The following RNF144B variants were observed in gnomAD, a reference collection of about 807,000 sequenced individuals.
The protein encoded by RNF144B is E3 ubiquitin-protein ligase RNF144B.
In RNF144B, 25 loss-of-function variants were observed where a neutral mutation model predicts 40.2. The ratio of observed to expected loss-of-function variants is 0.62; its 90% CI spans 0.45 to 0.87. The LOEUF (loss-of-function observed/expected upper bound fraction) is 0.87. RNF144B is among the 40% of genes least tolerant of loss of function. RNF144B has a pLI of 0.00. For missense variants in RNF144B, 365 were observed against 373.7 expected, an observed-to-expected ratio of 0.98 and a Z score of 0.19; for synonymous variants, 145 against 136.3, an observed-to-expected ratio of 1.06 and a Z score of -0.44.
chr6:18,433,128 C>T (rs4716248), intron 3 of RNF144B, among the ~76,000 whole-genome samples: 19,422 of 152,230 alleles, frequency 0.13, 1,396 homozygotes, highest in Admixed American at 0.19. Flanking sequence ...TCTGCCTCCA[C>T]TTGCCATCTC....
intron 6 of RNF144B, among the ~76,000 whole-genome samples, chr6:18,461,672 T>C (rs2113540252): frequency 6.6e-6 from 1 of 152,348 alleles, no homozygotes; most frequent in East Asian, 1.9e-4. Context: ...TTGAAGCATC[T>C]TTTTTTCTGG....
chr6:18,449,369 C>T (rs943091578), intron 4 of RNF144B, among the ~76,000 whole-genome samples: 1 of 152,164 alleles, frequency 6.6e-6, no homozygotes, highest in African/African-American at 2.4e-5. Flanking sequence ...ATCTGGTTCT[C>T]ACAAACGTAA....
At position 18,457,105 on chromosome 6, in the gene RNF144B, C is replaced by A; in HGVS notation, c.332-50C>A. 7.3e-7 allele frequency: 1 copy of A among 1,371,130 alleles called. No homozygotes were observed. The highest frequency in any genetic ancestry group is 1.0e-6 in the Non-Finnish European group (1 of 959,900). 84.9% of individuals were successfully genotyped at this position (1,371,130 alleles called of 1,614,324 possible). A position where few individuals can be genotyped will look rare whatever the true frequency, so the allele number is the denominator to read the frequency against. On this transcript the variant is annotated intron_variant, in intron 4 of 7. Transcript: ENST00000259939. This position sits in a 1 kb window ranked among gnomAD's most constrained non-coding sequence, Gnocchi z 5.1. Reference sequence around the variant, plus strand: ...AGAGGGCAAATGAAGGTGAGAAAGACTCAAACATGAATCGGGCAGACCATC... The same window carrying A: ...AGAGGGCAAATGAAGGTGAGAAAGAATCAAACATGAATCGGGCAGACCATC...
rs552256970 is a variant in RNF144B at position 18,410,442 on chromosome 6, G to T, written c.165+10743G>T. Reference sequence around the variant, plus strand: ...TAAAATAGACTCAGGGAGGTAGGAGGTTTCCTAAGGGCTGAGACTGAAAGA... The same window carrying T: ...TAAAATAGACTCAGGGAGGTAGGAGTTTTCCTAAGGGCTGAGACTGAAAGA... On this transcript the variant is annotated intron_variant, in intron 2 of 7. Coordinates refer to ENST00000259939, the MANE Select transcript of RNF144B (RefSeq NM_182757.4). The surrounding 1 kb of genome is among the most constrained non-coding windows in gnomAD (Gnocchi z 4.6). Among the ~76,000 whole-genome samples, 10 of 152,304 alleles carry T rather than the reference G, an allele frequency of 6.6e-5. No individual in the cohort carries two copies. Among genetic ancestry groups the T allele is most frequent in the African/African-American group, 2.4e-4 (10 of 41,572 alleles).
At position 18,465,106 on chromosome 6, in the gene RNF144B, A is replaced by G. The variant is rs200657127; in HGVS notation, c.*39A>G. On this transcript the variant is annotated 3_prime_UTR_variant, in exon 8 of 8. Coordinates refer to ENST00000259939, the MANE Select transcript of RNF144B (RefSeq NM_182757.4). Reference sequence around the variant, plus strand: ...CATACGCCCCAGATATGTGAGTTACATGAGATGGCACAGTGATAAAGCCCC... The same window carrying G: ...CATACGCCCCAGATATGTGAGTTACGTGAGATGGCACAGTGATAAAGCCCC... 1.6e-4 allele frequency: 260 copies of G among 1,606,602 alleles called. No individual in the cohort carries two copies. The Admixed American group carries it at 2.1e-3, about 13-fold the overall frequency.
intron 3 of RNF144B, among the ~76,000 whole-genome samples, chr6:18,433,451 G>A (rs1429283320): frequency 6.6e-6 from 1 of 152,130 alleles, no homozygotes; most frequent in Admixed American, 6.5e-5. Context: ...TGGGTAATAA[G>A]GTTTCTAAGA....
chr6:18,465,937 C>T lies in RNF144B; in HGVS notation c.*870C>T, dbSNP rs1228177937. The T allele has an allele frequency of 2.6e-5, 4 of 152,134 alleles. No individual in the cohort carries two copies. Among genetic ancestry groups the T allele is most frequent in the Non-Finnish European group, 5.9e-5 (4 of 68,018 alleles). The allele number at this position is 152,134 out of a possible 1,614,324, so 9.4% of individuals were successfully genotyped here. ...TTTCTCAGGATCTGTGTTCACACAG[C>T]CAATAGATTTGGAATCAGGCCTAAG... is the stretch of plus-strand genomic sequence containing the variant. On this transcript the variant is annotated 3_prime_UTR_variant, in exon 8 of 8. Coordinates refer to ENST00000259939, the MANE Select transcript of RNF144B (RefSeq NM_182757.4).
rs1342022866 is a variant in RNF144B, at chr6:18,398,530, T to G, written c.-36-969T>G. On this transcript the variant is annotated intron_variant, in intron 1 of 7. Transcript: ENST00000259939. The surrounding 1 kb of genome is among the most constrained non-coding windows in gnomAD (Gnocchi z 5.0). ...GGGATTACAGATGTGCCACTGTGCC[T>G]GGCTAATTTTGTATTTTTGTATTTT... is the stretch of plus-strand genomic sequence containing the variant. 6.6e-6 allele frequency among the ~76,000 whole-genome samples: 1 copy of G among 152,130 alleles called. No homozygotes were observed. Among genetic ancestry groups the G allele is most frequent in the Non-Finnish European group, 1.5e-5 (1 of 68,004 alleles).
intron 4 of RNF144B, among the ~76,000 whole-genome samples, chr6:18,454,108 TG>T (rs1319571082): frequency 6.6e-6 from 1 of 152,196 alleles, no homozygotes; most frequent in Non-Finnish European, 1.5e-5. Flanking sequence ...GCTGCAAGAT[TG>T]TTTTGATGAT....
In RNF144B at chr6:18,405,101, G is replaced by A. The variant is rs908951232; in HGVS notation, c.165+5402G>A. 6.6e-6 allele frequency among the ~76,000 whole-genome samples: 1 copy of A among 151,698 alleles called. No homozygotes were observed. Among genetic ancestry groups the A allele is most frequent in the Non-Finnish European group, 1.5e-5 (1 of 67,928 alleles). On this transcript the variant is annotated intron_variant, in intron 2 of 7. Coordinates refer to ENST00000259939, the MANE Select transcript of RNF144B (RefSeq NM_182757.4). This position sits in a 1 kb window ranked among gnomAD's most constrained non-coding sequence, Gnocchi z 4.5. The stretch of plus-strand genomic sequence containing the variant: ...CCAGTTCAAAGCACTGTATTATTCT[G>A]TTGGTTTCTGGTACCTAAATATGCT...
At chr6:18,420,480 A>G (rs1795236222) in intron 2 of RNF144B, among the ~76,000 whole-genome samples, 1 of 152,086 alleles carries the variant, frequency 6.6e-6, no homozygotes, top group South Asian at 2.1e-4. Flanking sequence ...TCTAGGCTAT[A>G]GAGGAGGCAG....
At position 18,442,807 on chromosome 6, in the gene RNF144B, G is replaced by A. The variant is rs1160283883; in HGVS notation, c.331+3063G>A. On this transcript the variant is annotated intron_variant, in intron 4 of 7. Coordinates refer to ENST00000259939, the MANE Select transcript of RNF144B (RefSeq NM_182757.4). This position sits in a 1 kb window ranked among gnomAD's most constrained non-coding sequence, Gnocchi z 4.3. Reference sequence around the variant, plus strand: ...AATCATACAATATCTGTCCTTTTGTGTTTGTCTTATTTTACTTAATATATG... The same window carrying A: ...AATCATACAATATCTGTCCTTTTGTATTTGTCTTATTTTACTTAATATATG... 6.6e-6 allele frequency among the ~76,000 whole-genome samples: 1 copy of A among 152,082 alleles called. No homozygotes were observed. Among genetic ancestry groups the A allele is most frequent in the Non-Finnish European group, 1.5e-5 (1 of 67,992 alleles).
At chr6:18,399,178 G>C (rs1288022967) in intron 1 of RNF144B, among the ~76,000 whole-genome samples, 1 of 152,118 alleles carries the variant, frequency 6.6e-6, no homozygotes, top group African/African-American at 2.4e-5. Context: ...GAGCTCCCCA[G>C]AACTTATTCA....
At chr6:18,393,929 C>A (rs761199475) in intron 1 of RNF144B, among the ~76,000 whole-genome samples, 1 of 152,150 alleles carries the variant, frequency 6.6e-6, no homozygotes, top group South Asian at 2.1e-4. Context: ...ACATATGTCT[C>A]CTCTTCTGTT....
intron 3 of RNF144B, among the ~76,000 whole-genome samples, chr6:18,432,140 A>G (rs1758708820): frequency 1.3e-5 from 2 of 152,230 alleles, no homozygotes; most frequent in Admixed American, 1.3e-4. Flanking sequence ...TCTAAAAATG[A>G]TTTGAACTAT....
chr6:18,429,937 T>C (rs969362991), intron 3 of RNF144B, among the ~76,000 whole-genome samples: 10 of 152,176 alleles, frequency 6.6e-5, no homozygotes, highest in African/African-American at 2.4e-4. Flanking sequence ...AGTCAACTTA[T>C]AACGAGTCAG....
At chr6:18,435,725 A>G (rs779595102) in intron 3 of RNF144B, among the ~76,000 whole-genome samples, 3 of 152,098 alleles carry the variant, frequency 2.0e-5, no homozygotes, top group Non-Finnish European at 4.4e-5. Flanking sequence ...CTTTGTAGGG[A>G]CATGGATGAA....
At chr6:18,397,713 T>C (rs1582398655) in intron 1 of RNF144B, among the ~76,000 whole-genome samples, 1 of 152,204 alleles carries the variant, frequency 6.6e-6, no homozygotes, top group East Asian at 1.9e-4. Flanking sequence ...TTCAACTCTC[T>C]TTTCCTCTTT....
At chr6:18,387,944 A>G (rs2113446158) in intron 1 of RNF144B, among the ~76,000 whole-genome samples, 1 of 152,288 alleles carries the variant, frequency 6.6e-6, no homozygotes, top group South Asian at 2.1e-4. Flanking sequence ...AGTTGGCATA[A>G]TCTCGGATTA....
Sources: allele counts gnomAD v4.1 joint callset (sites outside exome capture counted in the v4.1 genomes callset), GRCh38; gene constraint gnomAD v4.1.1; non-coding constraint Gnocchi (gnomAD v3.1); transcripts MANE v1.5; gene names NCBI Gene and HGNC (gene_info 2026-07-23, HGNC 2026-07-21).